The following ZSWIM9 variants were observed in gnomAD, a reference collection of about 807,000 sequenced individuals.
The protein encoded by ZSWIM9 is zinc finger SWIM-type containing 9.
In ZSWIM9, 11 loss-of-function variants were observed where a neutral mutation model predicts 25.0. The observed-to-expected ratio is 0.44, with a 90% CI of 0.28 to 0.73. ZSWIM9 has a LOEUF of 0.73. ZSWIM9 is among the 30% of genes least tolerant of loss of function. ZSWIM9 has a pLI of 0.16. For missense variants in ZSWIM9, 1,070 were observed against 1,296.5 expected, an observed-to-expected ratio of 0.83 and a Z score of 2.68; for synonymous variants, 562 against 582.1, an observed-to-expected ratio of 0.97 and a Z score of 0.50.
rs949276010 is a variant in ZSWIM9 at position 48,171,937 on chromosome 19, C to T, written c.135C>T (p.Phe45=). ...GGTGCCAGCAGCGGCTGGCGCTCTT[C>T]TTCGTCAAGAGCTCCATGCACCTGG... ...DAWCQQRLAL[F]FVKSSMHLAR... Residue 45 remains phenylalanine, a synonymous_variant, in exon 2 of 4, where the codon TTC becomes TTT. Coordinates refer to ENST00000614654, the MANE Select transcript of ZSWIM9 (RefSeq NM_199341.4). 52 of 1,535,710 alleles carry T rather than the reference C, an allele frequency of 3.4e-5. No homozygotes were observed. The highest frequency in any genetic ancestry group is 4.3e-5 in the Non-Finnish European group (49 of 1,146,700).
intron 2 of ZSWIM9, among the ~76,000 whole-genome samples, chr19:48,175,714 G>A (rs180832392): frequency 1.3e-5 from 2 of 152,092 alleles, no homozygotes; most frequent in Non-Finnish European, 2.9e-5. Context: ...CTTTCTTCCT[G>A]TCCACTCCTT....
chr19:48,171,247 T>G, intron 1 of ZSWIM9: 1 of 985,162 alleles, frequency 1.0e-6, no homozygotes, highest in Non-Finnish European at 1.2e-6. Flanking sequence ...GAGCCACAGG[T>G]GCATGAAGCA....
At chr19:48,176,034 T>C (rs1320138597) in intron 2 of ZSWIM9, among the ~76,000 whole-genome samples, 1 of 152,110 alleles carries the variant, frequency 6.6e-6, no homozygotes, top group Non-Finnish European at 1.5e-5. Flanking sequence ...GGTGAAACCC[T>C]GTCTGTACTA....
At chr19:48,183,222 G>A (rs60971158) in intron 3 of ZSWIM9, 5,857 of 153,394 alleles carry the variant, frequency 0.038, 252 homozygotes, top group African/African-American at 0.098. Flanking sequence ...TCCGCCTCCC[G>A]GGTTCAAGCG....
In ZSWIM9 at chr19:48,182,373, TA is replaced by T. The variant is rs11373236; in HGVS notation, c.276-68del. The T allele has an allele frequency of 0.083, 82,889 of 993,180 alleles. No individual in the cohort carries two copies. Among genetic ancestry groups the T allele is most frequent in the South Asian group, 0.13 (7,107 of 55,242 alleles). The allele number at this position is 993,180 out of a possible 1,614,324, so 61.5% of individuals were successfully genotyped here. On this transcript the variant is annotated intron_variant, in intron 2 of 3. Transcript: ENST00000614654. The surrounding 1 kb of genome is among the most constrained non-coding windows in gnomAD (Gnocchi z 4.6). ...TCTATGCCTGAAACAATTCTTAGTT[TA>T]AAAAAAAAAAAAAGGTGAGTGGAAA...
chr19:48,189,561 CCATCCTAAA>C (rs1212096834), intron 3 of ZSWIM9: 1 of 153,468 alleles, frequency 6.5e-6, no homozygotes, highest in African/African-American at 2.4e-5. Context: ...GAGTGAGACT[CCATCCTAAA>C]CAAACAAAAA....
At chr19:48,188,797 T>C (rs2436462) in intron 3 of ZSWIM9, among the ~76,000 whole-genome samples, 74,964 of 151,628 alleles carry the variant, frequency 0.49, 19,190 homozygotes, top group African/African-American at 0.62. Context: ...TTTGGGAGGC[T>C]GAGGCGGGTG....
chr19:48,172,552 C>G (rs2036851360), intron 2 of ZSWIM9, among the ~76,000 whole-genome samples: 1 of 152,218 alleles, frequency 6.6e-6, no homozygotes, highest in Admixed American at 6.5e-5. Context: ...CTTGCTCTGT[C>G]ACTCAGGCTG....
chr19:48,182,618 C>G lies in ZSWIM9; in HGVS notation c.439C>G (p.Pro147Ala). 3 of 1,535,838 alleles carry G rather than the reference C, an allele frequency of 2.0e-6. No individual in the cohort carries two copies. The highest frequency in any genetic ancestry group is 1.7e-6 in the Non-Finnish European group (2 of 1,146,682). Residue 147 changes from proline to alanine, a missense_variant, in exon 3 of 4, where the codon CCG (proline) becomes GCG (alanine). Pro to Ala is a conservative substitution (Grantham distance 27). Transcript: ENST00000614654. This position sits in a 1 kb window ranked among gnomAD's most constrained non-coding sequence, Gnocchi z 4.6. ...CCACCTGCTGGCCAACGCCTGCCTG[C>G]CGGTGCGCACCACCAACAAGATCTC... is the stretch of plus-strand genomic sequence containing the variant. ...PGHLLANACL[P>A]VRTTNKISKQ...
At position 48,171,948 on chromosome 19, in the gene ZSWIM9, G is replaced by T; in HGVS notation, c.146G>T (p.Ser49Ile). The change falls in exon 2 of 4, where the codon AGC (serine) becomes ATC (isoleucine). Residue 49 changes from serine (S) to isoleucine (I), a missense_variant. This residue lies in a region of ZSWIM9 where 265 missense variants were observed against 339.0 expected (regional missense o/e 0.78). Transcript: ENST00000614654. ...CGGCTGGCGCTCTTCTTCGTCAAGA[G>T]CTCCATGCACCTGGCGCGCTGCCGC... Reference protein sequence around the residue: ...QQRLALFFVKSSMHLARCRWA... With the variant: ...QQRLALFFVKISMHLARCRWA... 1 of 1,535,844 alleles carries T rather than the reference G, an allele frequency of 6.5e-7. No individual in the cohort carries two copies. Among genetic ancestry groups the T allele is most frequent in the Non-Finnish European group, 8.7e-7 (1 of 1,146,692 alleles).
chr19:48,182,354 C>CTAAA lies in ZSWIM9; in HGVS notation c.276-101_276-100insTAAA. On this transcript the variant is annotated intron_variant, in intron 2 of 3. Transcript: ENST00000614654. This position sits in a 1 kb window ranked among gnomAD's most constrained non-coding sequence, Gnocchi z 4.6. Reference sequence around the variant, plus strand: ...TTAGGGCCCTCTACTCTTCTCTATGCCTGAAACAATTCTTAGTTTAAAAAA... The same window carrying CTAAA: ...TTAGGGCCCTCTACTCTTCTCTATGCTAAACTGAAACAATTCTTAGTTTAAAAAA... 3 of 1,024,518 alleles carry CTAAA rather than the reference C, an allele frequency of 2.9e-6. No individual in the cohort carries two copies. The highest frequency in any genetic ancestry group is 4.1e-6 in the Non-Finnish European group (3 of 726,618). The allele number at this position is 1,024,518 out of a possible 1,614,324, so 63.5% of individuals were successfully genotyped here.
intron 2 of ZSWIM9, among the ~76,000 whole-genome samples, chr19:48,174,356 G>A (rs1297067468): frequency 6.6e-6 from 1 of 152,044 alleles, no homozygotes; most frequent in Non-Finnish European, 1.5e-5. Flanking sequence ...TGAGGATACT[G>A]TGAGATCATA....
At chr19:48,183,828 T>TGG (rs201476221) in intron 3 of ZSWIM9, among the ~76,000 whole-genome samples, 38 of 143,470 alleles carry the variant, frequency 2.6e-4, no homozygotes, top group African/African-American at 8.0e-4. Flanking sequence ...TAGAGATGTT[T>TGG]GGCGGGGGGG....
intron 3 of ZSWIM9, among the ~76,000 whole-genome samples, chr19:48,188,899 C>T (rs192229669): frequency 0.011 from 1,670 of 151,984 alleles, 33 homozygotes; most frequent in African/African-American, 0.038. Context: ...GGTGTGGTGG[C>T]AGGCGCCTGT....
Position 48,196,278 on chromosome 19 carries a change from C to T in ZSWIM9, c.2214C>T (p.Ser738=). The T allele has an allele frequency of 8.1e-7, 1 of 1,233,308 alleles. No homozygotes were observed. The highest frequency in any genetic ancestry group is 1.0e-6 in the Non-Finnish European group (1 of 988,952). The allele number at this position is 1,233,308 out of a possible 1,614,324, so 76.4% of individuals were successfully genotyped here. A position where few individuals can be genotyped will look rare whatever the true frequency, so the allele number is the denominator to read the frequency against. ...MENGDGGGAR[S]VGPKSRAGRG... is the part of the protein sequence containing the mutation. ...ATGGAGATGGAGGGGGAGCCCGGTC[C>T]GTGGGCCCCAAGAGCCGAGCCGGAC... The change falls in exon 4 of 4, where the codon TCC becomes TCT. Residue 738 remains serine, a synonymous_variant. Coordinates refer to ENST00000614654, the MANE Select transcript of ZSWIM9 (RefSeq NM_199341.4).
At chr19:48,191,501 A>G (rs115729580) in intron 3 of ZSWIM9, among the ~76,000 whole-genome samples, 1,805 of 152,296 alleles carry the variant, frequency 0.012, 32 homozygotes, top group African/African-American at 0.041. Flanking sequence ...CACTGTGCCC[A>G]GCCTTAGCTA....
chr19:48,177,638 A>C lies in ZSWIM9; in HGVS notation c.276-4817A>C, dbSNP rs146517224. ...TCTGGCAAGATTCATGGCTTCACAGAAGAGGTGACCTACCCGGAGCAAGGG... is the reference window on the plus strand; with the variant it reads ...TCTGGCAAGATTCATGGCTTCACAGCAGAGGTGACCTACCCGGAGCAAGGG... On this transcript the variant is annotated intron_variant, in intron 2 of 3. Coordinates refer to ENST00000614654, the MANE Select transcript of ZSWIM9 (RefSeq NM_199341.4). 1.6e-4 allele frequency among the ~76,000 whole-genome samples: 25 copies of C among 152,296 alleles called. No individual in the cohort carries two copies. In the East Asian group the frequency reaches 4.8e-3, roughly 29 times the overall value.
Position 48,183,832 on chromosome 19 carries a change from G to T in ZSWIM9, c.588+1065G>T, listed in dbSNP as rs949333254. On this transcript the variant is annotated intron_variant, in intron 3 of 3. Coordinates refer to ENST00000614654, the MANE Select transcript of ZSWIM9 (RefSeq NM_199341.4). ...TTTAGTTTTTGTAGAGATGTTTGGC[G>T]GGGGGGGGTCTCCCTATGTTGCCCA... Among the ~76,000 whole-genome samples the T allele has an allele frequency of 4.7e-5, 6 of 127,300 alleles. No homozygotes were observed. In the East Asian group the frequency reaches 1.3e-3, roughly 29 times the overall value. 83.5% of individuals were successfully genotyped at this position (127,300 alleles called of 152,430 possible).
intron 3 of ZSWIM9, among the ~76,000 whole-genome samples, chr19:48,191,474 G>A (rs905842702): frequency 3.9e-4 from 60 of 152,148 alleles, no homozygotes; most frequent in Non-Finnish European, 2.9e-5. Flanking sequence ...CAAAGTGCTG[G>A]GATTACAGGC....
Sources: gnomAD v4.1 joint callset for allele counts (sites outside exome capture counted in the v4.1 genomes callset) on GRCh38, gnomAD v4.1.1 for gene constraint, gnomAD v4.1.1 regional missense constraint, Gnocchi (gnomAD v3.1) non-coding constraint, MANE v1.5 for transcripts, NCBI Gene and HGNC (gene_info 2026-07-23, HGNC 2026-07-21) for gene names.